Variants in CSTPP1 observed in about 807,000 individuals in gnomAD.
CSTPP1 encodes centriolar satellite-associated tubulin polyglutamylase complex regulator 1.
chr11:47,010,846 AT>A, the CSTPP1 span, among the ~76,000 whole-genome samples: 2 of 151,562 alleles, frequency 1.3e-5, no homozygotes, highest in Non-Finnish European at 2.9e-5. Context: ...TCCCTGGTAA[AT>A]TTTTTTTTCT....
the CSTPP1 span, among the ~76,000 whole-genome samples, chr11:46,956,978 A>G: frequency 1.3e-5 from 2 of 151,598 alleles, no homozygotes; most frequent in Non-Finnish European, 2.9e-5. Context: ...AATATAGTAT[A>G]CTATGATTAC....
At chr11:47,092,777 T>G in the CSTPP1 span, among the ~76,000 whole-genome samples, 1 of 152,220 alleles carries the variant, frequency 6.6e-6, no homozygotes, top group African/African-American at 2.4e-5. Context: ...CAGTCAGGGT[T>G]TACACATTGC....
the CSTPP1 span, among the ~76,000 whole-genome samples, chr11:47,057,642 G>C: frequency 6.6e-6 from 1 of 152,176 alleles, no homozygotes; most frequent in Non-Finnish European, 1.5e-5. Context: ...TTGAGTTGAG[G>C]AGGCAGAGAC....
chr11:47,124,114 CTTTTTTTTTTTT>C, the CSTPP1 span, among the ~76,000 whole-genome samples: 3 of 63,216 alleles, frequency 4.7e-5, no homozygotes, highest in Non-Finnish European at 8.0e-5. Context: ...AATGGTCTTA[CTTTTTTTTTTTT>C]TTTTTTTTTT....
At chr11:46,947,394 T>G in the CSTPP1 span, among the ~76,000 whole-genome samples, 2 of 152,230 alleles carry the variant, frequency 1.3e-5, no homozygotes, top group African/African-American at 4.8e-5. Flanking sequence ...GAGCAGAATT[T>G]TAATGATTTA....
chr11:47,046,740 C>T, the CSTPP1 span, among the ~76,000 whole-genome samples: 1 of 132,028 alleles, frequency 7.6e-6, no homozygotes, highest in Non-Finnish European at 1.5e-5. Flanking sequence ...GATCTCGGCT[C>T]ACTGCAACCT....
the CSTPP1 span, among the ~76,000 whole-genome samples, chr11:47,046,660 CTTTTTTTT>C: frequency 1.3e-5 from 1 of 79,734 alleles, no homozygotes; most frequent in Non-Finnish European, 2.2e-5. Flanking sequence ...ATCTTCTTTT[CTTTTTTTT>C]TTTTTTTTTT....
At chr11:46,996,020 A>C in the CSTPP1 span, among the ~76,000 whole-genome samples, 5 of 151,908 alleles carry the variant, frequency 3.3e-5, no homozygotes, top group Non-Finnish European at 7.4e-5. Context: ...TGATCCCTTT[A>C]CCATTATGTA....
the CSTPP1 span, among the ~76,000 whole-genome samples, chr11:47,038,503 G>A: frequency 1.8e-4 from 19 of 105,302 alleles, no homozygotes; most frequent in African/African-American, 5.3e-4. Context: ...CAGGCAGAGG[G>A]GCTCCTCACT....
At chr11:46,992,956 T>G in the CSTPP1 span, among the ~76,000 whole-genome samples, 1 of 140,748 alleles carries the variant, frequency 7.1e-6, no homozygotes, top group Non-Finnish European at 1.5e-5. Context: ...GGTATCTCAT[T>G]GTGGTTTTGA....
chr11:47,068,338 C>A, the CSTPP1 span, among the ~76,000 whole-genome samples: 1 of 152,068 alleles, frequency 6.6e-6, no homozygotes, highest in Admixed American at 6.6e-5. Flanking sequence ...TCAAGACCAA[C>A]CTGGCCAACA....
the CSTPP1 span, among the ~76,000 whole-genome samples, chr11:47,021,142 A>T: frequency 2.0e-5 from 3 of 152,186 alleles, no homozygotes; most frequent in African/African-American, 7.2e-5. Flanking sequence ...CATCAGAGAA[A>T]CTAACCACTA....
At chr11:47,109,836 A>C in the CSTPP1 span, among the ~76,000 whole-genome samples, 1 of 152,224 alleles carries the variant, frequency 6.6e-6, no homozygotes, top group Non-Finnish European at 1.5e-5. Flanking sequence ...ATCATAGAGC[A>C]ATTTCTTTAA....
At chr11:47,121,298 A>G in the CSTPP1 span, among the ~76,000 whole-genome samples, 1 of 152,216 alleles carries the variant, frequency 6.6e-6, no homozygotes, top group Non-Finnish European at 1.5e-5. Context: ...AACTGCGAGT[A>G]TAATCAGAGT....
At chr11:47,151,328 G>A in the CSTPP1 span, among the ~76,000 whole-genome samples, 2 of 151,846 alleles carry the variant, frequency 1.3e-5, no homozygotes, top group South Asian at 2.1e-4. Flanking sequence ...CAGGAGAATC[G>A]CTTGAACCTA....
chr11:47,029,341 T>A, the CSTPP1 span, among the ~76,000 whole-genome samples: 2 of 152,116 alleles, frequency 1.3e-5, no homozygotes, highest in African/African-American at 4.8e-5. Flanking sequence ...GCATGGTGGC[T>A]CACTCCTGTA....
At chr11:46,990,037 C>T in the CSTPP1 span, among the ~76,000 whole-genome samples, 1 of 152,156 alleles carries the variant, frequency 6.6e-6, no homozygotes, top group African/African-American at 2.4e-5. Context: ...TTTCTTTATC[C>T]AGTTCACCTT....
At chr11:47,004,815 C>T in the CSTPP1 span, among the ~76,000 whole-genome samples, 3 of 152,204 alleles carry the variant, frequency 2.0e-5, no homozygotes, top group Non-Finnish European at 4.4e-5. Flanking sequence ...CAGACTTTCT[C>T]TGCTGAGGTC....
At chr11:46,955,737 A>G in the CSTPP1 span, among the ~76,000 whole-genome samples, 7 of 151,238 alleles carry the variant, frequency 4.6e-5, no homozygotes, top group Admixed American at 1.3e-4. Context: ...CATGCCTGCA[A>G]TCCTAGTACC....
Sources: gnomAD v4.1 joint callset for allele counts (sites outside exome capture counted in the v4.1 genomes callset) on GRCh38, gnomAD v4.1.1 for gene constraint, MANE v1.5 for transcripts, NCBI Gene and HGNC (gene_info 2026-07-23, HGNC 2026-07-21) for gene names.